The following SLC44A5 variants were observed in gnomAD, a reference collection of about 807,000 sequenced individuals.
SLC44A5 encodes the protein solute carrier family 44 member 5.
A neutral mutation model predicts 101.8 loss-of-function variants in SLC44A5; 57 were observed. That is an observed-to-expected ratio of 0.56 (90% CI 0.45 to 0.70). The LOEUF is 0.70. Among genes scored for constraint, SLC44A5 ranks in the 30% least tolerant of loss-of-function variants. SLC44A5 has a pLI of 0.00. For synonymous variants in SLC44A5, 281 were observed against 290.9 expected (o/e 0.97, Z 0.35); for missense variants, 737 against 853.1 (o/e 0.86, Z 1.70).
At chr1:75,317,956 A>G (rs1655821910) in intron 4 of SLC44A5, among the ~76,000 whole-genome samples, 1 of 152,188 alleles carries the variant, frequency 6.6e-6, no homozygotes, top group Non-Finnish European at 1.5e-5. Flanking sequence ...CCTTCAGTCC[A>G]TTACACCAGG....
chr1:75,305,501 T>G (rs748906862), intron 4 of SLC44A5, among the ~76,000 whole-genome samples: 22 of 152,240 alleles, frequency 1.4e-4, no homozygotes, highest in Admixed American at 6.5e-4. Flanking sequence ...CACTTCATGT[T>G]TAAGGACCAA....
chr1:75,603,060 G>A (rs1473033137), intron 1 of SLC44A5, among the ~76,000 whole-genome samples: 1 of 151,910 alleles, frequency 6.6e-6, no homozygotes, highest in Admixed American at 6.6e-5. Flanking sequence ...ATAAGGTTTG[G>A]AGTACAGTTG....
chr1:75,557,055 G>T (rs1672259329), intron 1 of SLC44A5, among the ~76,000 whole-genome samples: 1 of 152,130 alleles, frequency 6.6e-6, no homozygotes, highest in South Asian at 2.1e-4. Flanking sequence ...GTGTTACATG[G>T]TCACCCCTAA....
chr1:75,579,743 T>C (rs2102064653), intron 1 of SLC44A5, among the ~76,000 whole-genome samples: 1 of 152,126 alleles, frequency 6.6e-6, no homozygotes, highest in Non-Finnish European at 1.5e-5. Flanking sequence ...AGACAGAATA[T>C]ATAGAAGAAC....
intron 2 of SLC44A5, among the ~76,000 whole-genome samples, chr1:75,479,513 T>C (rs1262002404): frequency 6.6e-6 from 1 of 151,722 alleles, no homozygotes; most frequent in African/African-American, 2.4e-5. Context: ...GCAAGACTAA[T>C]GAAGAAGAAA....
intron 3 of SLC44A5, among the ~76,000 whole-genome samples, chr1:75,353,338 C>A (rs909630799): frequency 6.6e-6 from 1 of 152,192 alleles, no homozygotes; most frequent in Non-Finnish European, 1.5e-5. Context: ...CAAGTCACTT[C>A]TCTAACTCAA....
chr1:75,588,331 T>A (rs370743574), intron 1 of SLC44A5, among the ~76,000 whole-genome samples: 5 of 151,644 alleles, frequency 3.3e-5, no homozygotes, highest in Admixed American at 3.3e-4. Context: ...GAAGGGGAAA[T>A]GGAATGAGCA....
At chr1:75,453,123 G>A (rs894945839) in intron 2 of SLC44A5, among the ~76,000 whole-genome samples, 17 of 151,806 alleles carry the variant, frequency 1.1e-4, no homozygotes, top group African/African-American at 3.1e-4. Context: ...AATCCAAGAC[G>A]GACCACATTC....
At chr1:75,347,685 A>AGTGTGTGTGTGTGT (rs10677527) in intron 3 of SLC44A5, among the ~76,000 whole-genome samples, 2,066 of 148,030 alleles carry the variant, frequency 0.014, 54 homozygotes, top group African/African-American at 0.049. Context: ...AGTGGTGGTG[A>AGTGTGTGTGTGTGT]GTGTGTGTGT....
At chr1:75,303,259 G>A (rs1206232499) in intron 4 of SLC44A5, among the ~76,000 whole-genome samples, 3 of 151,956 alleles carry the variant, frequency 2.0e-5, no homozygotes, top group East Asian at 1.9e-4. Flanking sequence ...TTTTTGAGCC[G>A]GAGTCTTGCT....
intron 2 of SLC44A5, 95 bp downstream of exon 2, chr1:75,541,340 C>A: frequency 1.0e-6 from 1 of 958,270 alleles, no homozygotes; most frequent in South Asian, 1.4e-5. Context: ...AGTATATACT[C>A]ATTTTTCTAT....
At chr1:75,544,958 T>A (rs531882190) in intron 1 of SLC44A5, among the ~76,000 whole-genome samples, 1 of 152,264 alleles carries the variant, frequency 6.6e-6, no homozygotes, top group East Asian at 1.9e-4. Flanking sequence ...GCTGCACCCA[T>A]CAACCTGTAA....
At position 75,242,068 on chromosome 1, in the gene SLC44A5, T is replaced by C. The variant is rs766766307; in HGVS notation, c.472-7A>G. The C allele has an allele frequency of 6.8e-6, 11 of 1,610,548 alleles. No individual in the cohort carries two copies. The highest frequency in any genetic ancestry group is 8.5e-6 in the Non-Finnish European group (10 of 1,177,482). The stretch of plus-strand genomic sequence containing the variant: ...GTAAAAGCTGTGTGAGAGACTAAAA[T>C]AGAAGGAAGAACGTTAACATTTCAA... On this transcript the variant is annotated splice_region_variant and splice_polypyrimidine_tract_variant and intron_variant, in intron 8 of 23. Coordinates refer to ENST00000370859, the MANE Select transcript of SLC44A5 (RefSeq NM_001130058.2).
intron 15 of SLC44A5, among the ~76,000 whole-genome samples, 179 bp downstream of exon 15, chr1:75,219,621 A>T (rs1468324965): frequency 6.6e-6 from 1 of 152,090 alleles, no homozygotes; most frequent in Non-Finnish European, 1.5e-5. Context: ...CTACAATATG[A>T]ACTATTTGAG....
chr1:75,266,163 G>C (rs1650970139), intron 6 of SLC44A5, among the ~76,000 whole-genome samples: 1 of 152,054 alleles, frequency 6.6e-6, no homozygotes, highest in Non-Finnish European at 1.5e-5. Flanking sequence ...CTTTAGGCTC[G>C]GTTATTAAGG....
At chr1:75,224,546 G>A (rs1299412759) in intron 13 of SLC44A5, among the ~76,000 whole-genome samples, 1 of 152,066 alleles carries the variant, frequency 6.6e-6, no homozygotes, top group African/African-American at 2.4e-5. Context: ...CTGACCCTGT[G>A]TAGGTCTAGG....
intron 6 of SLC44A5, among the ~76,000 whole-genome samples, chr1:75,273,931 A>G (rs1651704585): frequency 6.6e-6 from 1 of 152,070 alleles, no homozygotes; most frequent in Non-Finnish European, 1.5e-5. Flanking sequence ...TATCTTTCGG[A>G]ATAGTTTTAG....
rs954894069 is a variant in SLC44A5, at chr1:75,275,752, CAG to C, written c.176-712_176-711del. Among the ~76,000 whole-genome samples, 68 of 152,182 alleles carry C rather than the reference CAG, an allele frequency of 4.5e-4. 1 individual carries two copies. Among genetic ancestry groups the C allele is most frequent in the African/African-American group, 1.6e-3 (66 of 41,522 alleles). On this transcript the variant is annotated intron_variant, in intron 5 of 23. Coordinates refer to ENST00000370859, the MANE Select transcript of SLC44A5 (RefSeq NM_001130058.2). ...ACTTGATAGCTAGACCATAGGACCA[CAG>C]AGAGTAACGTATATTAGGTCAATTA...
the SLC44A5 span, among the ~76,000 whole-genome samples, chr1:75,623,647 G>T: frequency 6.6e-6 from 1 of 152,022 alleles, no homozygotes; most frequent in Non-Finnish European, 1.5e-5. Flanking sequence ...TCCTGAATGA[G>T]ATGAACTGAA....
Sources: gnomAD v4.1 joint callset for allele counts (sites outside exome capture counted in the v4.1 genomes callset) on GRCh38, gnomAD v4.1.1 for gene constraint, MANE v1.5 for transcripts, NCBI Gene and HGNC (gene_info 2026-07-23, HGNC 2026-07-21) for gene names.